REDIC1: variants seen among roughly 807,000 people sequenced by gnomAD.
REDIC1 encodes regulator of DNA class I crossover intermediates 1.
At chr12:39,873,476 T>C in the REDIC1 span, among the ~76,000 whole-genome samples, 1 of 152,078 alleles carries the variant, frequency 6.6e-6, no homozygotes, top group African/African-American at 2.4e-5. Context: ...TTAACATAAA[T>C]ACCAAATCTA....
the REDIC1 span, among the ~76,000 whole-genome samples, chr12:39,712,459 T>C: frequency 8.5e-5 from 12 of 141,884 alleles, no homozygotes; most frequent in Non-Finnish European, 1.4e-4. Flanking sequence ...CATACGTATA[T>C]ATACGTATGT....
At chr12:39,704,974 A>G in the REDIC1 span, among the ~76,000 whole-genome samples, 1 of 151,278 alleles carries the variant, frequency 6.6e-6, no homozygotes, top group Non-Finnish European at 1.5e-5. Flanking sequence ...CTAATGCTAG[A>G]TGACGAGTTA....
chr12:39,706,176 C>G, the REDIC1 span, among the ~76,000 whole-genome samples: 2 of 151,822 alleles, frequency 1.3e-5, no homozygotes, highest in East Asian at 3.9e-4. Context: ...CAACAGTGAA[C>G]AGTCTGAAAA....
chr12:39,808,611 T>A, the REDIC1 span, among the ~76,000 whole-genome samples: 2 of 152,168 alleles, frequency 1.3e-5, no homozygotes, highest in Non-Finnish European at 2.9e-5. Context: ...GACTTTTTCA[T>A]TTTAGCTATT....
chr12:39,626,221 C>T, the REDIC1 span: 1 of 1,113,600 alleles, frequency 9.0e-7, no homozygotes, highest in East Asian at 2.4e-5. Context: ...GGAGCTTACT[C>T]GGGCCCTGAC....
the REDIC1 span, chr12:39,830,085 G>A: frequency 3.1e-6 from 5 of 1,613,020 alleles, no homozygotes; most frequent in Middle Eastern, 1.6e-4. Flanking sequence ...TATTCGTATG[G>A]TAAAATGAGT....
the REDIC1 span, among the ~76,000 whole-genome samples, chr12:39,808,266 C>G: frequency 2.6e-5 from 4 of 152,132 alleles, no homozygotes; most frequent in African/African-American, 9.7e-5. Context: ...TACCAGGTTA[C>G]TGGACATATC....
the REDIC1 span, among the ~76,000 whole-genome samples, chr12:39,642,540 A>G: frequency 2.0e-5 from 3 of 151,604 alleles, no homozygotes; most frequent in Middle Eastern, 3.2e-3. Flanking sequence ...CTCCCTCACT[A>G]TGGTCTTATC....
At chr12:39,732,937 A>G in the REDIC1 span, among the ~76,000 whole-genome samples, 2 of 152,124 alleles carry the variant, frequency 1.3e-5, no homozygotes, top group Non-Finnish European at 2.9e-5. Flanking sequence ...CCCCAGAACA[A>G]AAACAGACCA....
the REDIC1 span, among the ~76,000 whole-genome samples, chr12:39,675,756 C>T: frequency 1.3e-5 from 2 of 152,216 alleles, no homozygotes; most frequent in African/African-American, 4.8e-5. Context: ...GCTGGGAGAC[C>T]TGAAGATGGA....
the REDIC1 span, among the ~76,000 whole-genome samples, chr12:39,732,171 C>G: frequency 6.6e-6 from 1 of 152,216 alleles, no homozygotes; most frequent in Admixed American, 6.5e-5. Context: ...TCTTTTAGAT[C>G]TCTTTTAAAC....
the REDIC1 span, among the ~76,000 whole-genome samples, chr12:39,864,547 C>G: frequency 6.6e-6 from 1 of 152,038 alleles, no homozygotes; most frequent in Non-Finnish European, 1.5e-5. Context: ...GTCTAACAAC[C>G]CACTCTCTCC....
chr12:39,828,215 A>G, the REDIC1 span, among the ~76,000 whole-genome samples: 1 of 152,176 alleles, frequency 6.6e-6, no homozygotes. Context: ...TCCACCTAGA[A>G]GGAGCACCGT....
chr12:39,704,708 G>T, the REDIC1 span, among the ~76,000 whole-genome samples: 1 of 152,220 alleles, frequency 6.6e-6, no homozygotes, highest in Non-Finnish European at 1.5e-5. Flanking sequence ...TTAAGAAAAT[G>T]TGGCACATAT....
the REDIC1 span, among the ~76,000 whole-genome samples, chr12:39,844,241 T>C: frequency 1.3e-5 from 2 of 152,084 alleles, no homozygotes; most frequent in African/African-American, 4.8e-5. Flanking sequence ...CTTTTCTACT[T>C]ATTGAGAACT....
chr12:39,633,364 C>T, the REDIC1 span, among the ~76,000 whole-genome samples: 1 of 152,080 alleles, frequency 6.6e-6, no homozygotes, highest in African/African-American at 2.4e-5. Flanking sequence ...CATCTTGTTC[C>T]ACAGGAAGGT....
the REDIC1 span, among the ~76,000 whole-genome samples, chr12:39,665,090 G>A: frequency 6.6e-6 from 1 of 151,976 alleles, no homozygotes; most frequent in Non-Finnish European, 1.5e-5. Flanking sequence ...GATCCCATTT[G>A]TCAATTTTGG....
At chr12:39,880,190 C>G in the REDIC1 span, among the ~76,000 whole-genome samples, 32 of 152,270 alleles carry the variant, frequency 2.1e-4, no homozygotes, top group East Asian at 3.9e-4. Flanking sequence ...TTTGTAGAAC[C>G]ATAAGCCAAG....
chr12:39,682,545 G>A, the REDIC1 span: 21 of 1,253,818 alleles, frequency 1.7e-5, no homozygotes, highest in East Asian at 7.2e-5. Flanking sequence ...AGAATTGAAA[G>A]TAAGAGTTTC....
Sources: gnomAD v4.1 joint callset for allele counts (sites outside exome capture counted in the v4.1 genomes callset) on GRCh38, gnomAD v4.1.1 for gene constraint, MANE v1.5 for transcripts, NCBI Gene and HGNC (gene_info 2026-07-23, HGNC 2026-07-21) for gene names.